Variants in NMRK2 observed in about 807,000 individuals in gnomAD.
The protein encoded by NMRK2 is nicotinamide riboside kinase 2.
NMRK2 carries 34 observed loss-of-function variants against 24.7 expected under a neutral mutation model. The ratio of observed to expected loss-of-function variants is 1.37; its 90% CI spans 1.05 to 1.83. The LOEUF (loss-of-function observed/expected upper bound fraction) is 1.83, where lower values mean the gene tolerates loss of function less well. Ranked by LOEUF, NMRK2 falls within the 40% of genes most tolerant of loss-of-function variation. The probability of loss-of-function intolerance (pLI) is 0.00; values close to 1 mark genes in which losing one functional copy is unlikely to be tolerated. For missense variants in NMRK2, 341 were observed against 315.0 expected, an observed-to-expected ratio of 1.08 and a Z score of -0.62; for synonymous variants, 145 against 125.6, an observed-to-expected ratio of 1.15 and a Z score of -1.03.
chr19:3,941,411 G>A (rs984039035), intron 7 of NMRK2, among the ~76,000 whole-genome samples: 1 of 149,888 alleles, frequency 6.7e-6, no homozygotes, highest in Admixed American at 6.7e-5. Flanking sequence ...CACCACACTC[G>A]GCCCCTAATT....
In NMRK2 at chr19:3,936,590, C is replaced by T; in HGVS notation, c.42C>T (p.Gly14=). Residue 14 remains glycine (G), a synonymous_variant, in exon 3 of 8, where the codon GGC becomes GGT. Coordinates refer to ENST00000168977, the MANE Select transcript of NMRK2 (RefSeq NM_170678.3). ...GTCTCCCCAGCATGACCAACGGCGG[C>T]AAGACCACGCTGACCAACAGCCTGC... ...IVGIGGMTNG[G]KTTLTNSLLR... 1 of 1,561,738 alleles carries T rather than the reference C, an allele frequency of 6.4e-7. No individual in the cohort carries two copies. The highest frequency in any genetic ancestry group is 8.7e-7 in the Non-Finnish European group (1 of 1,154,798).
intron 1 of NMRK2, 73 bp downstream of exon 1, chr19:3,933,251 G>C (rs1041481426): frequency 2.8e-5 from 5 of 178,986 alleles, no homozygotes; most frequent in African/African-American, 1.2e-4. Context: ...CAGAGAGCGG[G>C]ATATTTTTAG....
chr19:3,938,327 TG>T (rs1241834938), intron 4 of NMRK2, among the ~76,000 whole-genome samples: 3 of 103,842 alleles, frequency 2.9e-5, no homozygotes, highest in South Asian at 3.4e-4. Flanking sequence ...CCCCGTCCAC[TG>T]TTCCCCCGGG....
intron 5 of NMRK2, 91 bp downstream of exon 5, chr19:3,938,850 T>TTTTTTTTTTTTTTTTTTTTTTTTG (rs2039274687): frequency 1.1e-5 from 2 of 182,782 alleles, no homozygotes; most frequent in African/African-American, 1.3e-4. Context: ...TTTTGTTTTG[T>TTTTTTTTTTTTTTTTTTTTTTTTG]TTTTTTTTTT....
At chr19:3,938,565 G>T (rs1206872952) in intron 4 of NMRK2, 38 bp from the exon 5 acceptor site, 1 of 1,516,522 alleles carries the variant, frequency 6.6e-7, no homozygotes, top group East Asian at 2.5e-5. Context: ...TATCCCCCAG[G>T]GTCTGCCCTC....
rs746483461 is a variant in NMRK2, at chr19:3,939,980, G to C, written c.395+9G>C. 8 of 1,609,292 alleles carry C rather than the reference G, an allele frequency of 5.0e-6. No homozygotes were observed. Among genetic ancestry groups the C allele is most frequent in the Non-Finnish European group, 3.4e-6 (4 of 1,176,230 alleles). ...TGCAAGTGGAGGAGAAGGTGCACTT[G>C]GTGTCTGGGGGTGCGGTGGGCTCCT... is the stretch of plus-strand genomic sequence containing the variant. On this transcript the variant is annotated intron_variant, in intron 6 of 7. Coordinates refer to ENST00000168977, the MANE Select transcript of NMRK2 (RefSeq NM_170678.3).
chr19:3,937,792 G>A (rs111768616), intron 4 of NMRK2, among the ~76,000 whole-genome samples: 123 of 49,266 alleles, frequency 2.5e-3, no homozygotes, highest in Middle Eastern at 0.016. Context: ...CCCGGGGTCC[G>A]CCCTCCTGCA....
In NMRK2 at chr19:3,942,270, G is replaced by A. The variant is rs1352794487; in HGVS notation, c.690G>A (p.Met230Ile). The A allele has an allele frequency of 1.2e-6, 2 of 1,605,024 alleles. No individual in the cohort carries two copies. The highest frequency in any genetic ancestry group is 2.7e-5 in the African/African-American group (2 of 74,854). The change falls in exon 8 of 8, where the codon ATG becomes ATA. Residue 230 changes from methionine to isoleucine, a missense_variant. Physicochemically the swap from Met to Ile is conservative, Grantham distance 10. Transcript: ENST00000168977. ...CTGCAGCGTCCCAGCAGGACAGCAT[G>A]TGAGCGTTTCCCTATGGGGGTGTCT... ...ARPAASQQDS[M>I]
intron 3 of NMRK2, 54 bp downstream of exon 3, chr19:3,936,719 CCA>C: frequency 7.0e-7 from 1 of 1,428,794 alleles, no homozygotes. Flanking sequence ...GGGTGGGCAG[CCA>C]GGCCCGGCCA....
chr19:3,941,028 AC>A (rs768974613), intron 6 of NMRK2, 42 bp from the exon 7 acceptor site: 59 of 1,307,404 alleles, frequency 4.5e-5, no homozygotes, highest in Non-Finnish European at 6.2e-5. Flanking sequence ...TCTTAGCATC[AC>A]CCTTCTGTGC....
At chr19:3,938,252 A>T (rs1403714329) in intron 4 of NMRK2, among the ~76,000 whole-genome samples, 1 of 57,966 alleles carries the variant, frequency 1.7e-5, no homozygotes, top group South Asian at 7.4e-4. Flanking sequence ...CCCGGGGTCC[A>T]CCCTCCTGCA....
chr19:3,933,343 G>A (rs1450610683), intron 1 of NMRK2, 115 bp from the exon 2 acceptor site: 2 of 384,440 alleles, frequency 5.2e-6, no homozygotes, highest in African/African-American at 4.3e-5. Flanking sequence ...GAGGGAGGAG[G>A]GGGTAAGAAG....
chr19:3,942,051 C>T (rs200915484), intron 7 of NMRK2, 32 bp from the exon 8 acceptor site: 26 of 1,598,938 alleles, frequency 1.6e-5, no homozygotes, highest in South Asian at 5.5e-5. Flanking sequence ...CCCTTCCTCC[C>T]GGCAGCCCTG....
intron 4 of NMRK2, 135 bp from the exon 5 acceptor site, chr19:3,938,468 C>A: frequency 1.6e-6 from 1 of 629,300 alleles, no homozygotes. Context: ...GTCCACTGTC[C>A]CCCCGGGGTC....
intron 2 of NMRK2, among the ~76,000 whole-genome samples, chr19:3,934,140 G>T (rs1006817902): frequency 2.4e-4 from 36 of 152,094 alleles, no homozygotes; most frequent in Admixed American, 7.2e-4. Context: ...CCCAGCTACT[G>T]GGGAGGCTGA....
chr19:3,941,980 C>T (rs930227127), intron 7 of NMRK2, 103 bp from the exon 8 acceptor site: 22 of 920,766 alleles, frequency 2.4e-5, no homozygotes, highest in African/African-American at 3.3e-5. Flanking sequence ...TCCAGCAGCC[C>T]GACTCTGCAG....
chr19:3,933,882 C>A (rs2145285196), intron 2 of NMRK2, among the ~76,000 whole-genome samples, 185 bp downstream of exon 2: 1 of 151,972 alleles, frequency 6.6e-6, no homozygotes, highest in Non-Finnish European at 1.5e-5. Flanking sequence ...GGAAGGGGGG[C>A]TGGACACTGA....
rs971059378 is a variant in NMRK2, at chr19:3,933,475, T to C, written c.-197T>C. The C allele has an allele frequency of 9.2e-6, 5 of 540,992 alleles. No homozygotes were observed. The highest frequency in any genetic ancestry group is 1.6e-5 in the Non-Finnish European group (5 of 312,988). 33.5% of individuals were successfully genotyped at this position (540,992 alleles called of 1,614,324 possible). ...AAAGGCAGCCTGGAGCTATTTCCAT[T>C]CGGCGGCGGGAACAGGTGCCGGCGC... On this transcript the variant is annotated 5_prime_UTR_variant, in exon 2 of 8. Transcript: ENST00000168977.
chr19:3,939,177 C>G (rs1335245074), intron 5 of NMRK2, among the ~76,000 whole-genome samples: 3 of 151,340 alleles, frequency 2.0e-5, no homozygotes, highest in Admixed American at 2.0e-4. Context: ...GTCAGGAGAC[C>G]CAGGAGCAGA....
Sources: allele counts gnomAD v4.1 joint callset (sites outside exome capture counted in the v4.1 genomes callset), GRCh38; gene constraint gnomAD v4.1.1; transcripts MANE v1.5; gene names NCBI Gene and HGNC (gene_info 2026-07-23, HGNC 2026-07-21).